Variants in TRMO observed in about 807,000 individuals in gnomAD.
TRMO encodes the protein tRNA (adenine(37)-N6)-methyltransferase.
Under a neutral mutation model 37.2 loss-of-function variants are expected in TRMO, and 30 were observed. The ratio of observed to expected loss-of-function variants is 0.81; its 90% CI spans 0.60 to 1.09. The LOEUF (loss-of-function observed/expected upper bound fraction) is 1.09. Ranked by LOEUF, TRMO falls within the 50% of genes least tolerant of loss-of-function variation. TRMO has a pLI of 0.00. For synonymous variants in TRMO, 239 were observed against 199.4 expected (o/e 1.20, Z -1.67); for missense variants, 552 against 549.5 (o/e 1.00, Z -0.05).
intron 4 of TRMO, among the ~76,000 whole-genome samples, chr9:97,908,207 T>C (rs995653595): frequency 6.6e-6 from 1 of 152,072 alleles, no homozygotes; most frequent in East Asian, 1.9e-4. Flanking sequence ...GGTCAGGAGA[T>C]CGAGACCATC....
chr9:97,906,222 T>C (rs923222223), intron 4 of TRMO, among the ~76,000 whole-genome samples: 1 of 151,220 alleles, frequency 6.6e-6, no homozygotes, highest in Admixed American at 6.6e-5. Flanking sequence ...TCATAGAAAA[T>C]GGCTCTGAAG....
At chr9:97,916,705 C>CTTTTTTTTTT (rs555924368) in intron 1 of TRMO, among the ~76,000 whole-genome samples, 1 of 124,620 alleles carries the variant, frequency 8.0e-6, no homozygotes, top group Admixed American at 8.8e-5. Flanking sequence ...GTATTTCTTT[C>CTTTTTTTTTT]TTTTTTTTTT....
At position 97,904,640 on chromosome 9, in the gene TRMO, G is replaced by T; in HGVS notation, c.*93C>A. 1 of 1,547,906 alleles carries T rather than the reference G, an allele frequency of 6.5e-7. No homozygotes were observed. Among genetic ancestry groups the T allele is most frequent in the Non-Finnish European group, 8.7e-7 (1 of 1,150,200 alleles). ...AATCAAAGCCATGAGATCACAAAGT[G>T]TTGCTTCTCGACACAACATTAGCTT... is the stretch of plus-strand genomic sequence containing the variant. On this transcript the variant is annotated 3_prime_UTR_variant, in exon 5 of 5. Transcript: ENST00000375119.
In TRMO at chr9:97,910,298, G is replaced by A. The variant is rs750103311; in HGVS notation, c.728C>T (p.Ala243Val). 2.5e-6 allele frequency: 4 copies of A among 1,614,214 alleles called. No individual in the cohort carries two copies. The highest frequency in any genetic ancestry group is 3.4e-6 in the Non-Finnish European group (4 of 1,180,032). The change falls in exon 4 of 5, where the codon GCA becomes GTA. Residue 243 changes from alanine (A) to valine (V), a missense_variant. Coordinates refer to ENST00000375119, the MANE Select transcript of TRMO (RefSeq NM_016481.5). ...THSDTARIQQAFPMHREIAVD... is the reference protein window; with the variant it reads ...THSDTARIQQVFPMHREIAVD... ...TGCTATCTCCCTGTGCATAGGAAAT[G>A]CTTGCTGAATTCTGGCTGTGTCACT...
chr9:97,901,757 T>TAAAAA (rs11375112), downstream of TRMO, among the ~76,000 whole-genome samples: 6 of 144,588 alleles, frequency 4.1e-5, no homozygotes, highest in Admixed American at 6.9e-5. Flanking sequence ...TCTCAAAGGC[T>TAAAAA]AAAAAAAAAA....
Position 97,909,995 on chromosome 9 carries a change from T to A in TRMO, c.1031A>T (p.His344Leu). The A allele has an allele frequency of 6.4e-7, 1 of 1,569,718 alleles. No individual in the cohort carries two copies. Among genetic ancestry groups the A allele is most frequent in the South Asian group, 1.2e-5 (1 of 84,968 alleles). Reference sequence around the variant, plus strand: ...GAGCTGCCCAAGGTCCATCTCGGCATGAGGAGTAAACCGCACTTCTAAAGT... The same window carrying A: ...GAGCTGCCCAAGGTCCATCTCGGCAAGAGGAGTAAACCGCACTTCTAAAGT... ...VATLEVRFTP[H>L]AEMDLGQLSS... is the part of the protein sequence containing the mutation. Residue 344 changes from histidine (H) to leucine (L), a missense_variant, in exon 4 of 5, where the codon CAT (histidine) becomes CTT (leucine). Physicochemically the swap from His to Leu is moderately conservative, Grantham distance 99. Coordinates refer to ENST00000375119, the MANE Select transcript of TRMO (RefSeq NM_016481.5).
intron 1 of TRMO, among the ~76,000 whole-genome samples, chr9:97,921,423 AT>A (rs1205049397): frequency 4.0e-3 from 565 of 140,216 alleles, no homozygotes; most frequent in African/African-American, 9.5e-3. Flanking sequence ...CAAAGTGTTA[AT>A]TTTTTTTTTT....
intron 1 of TRMO, among the ~76,000 whole-genome samples, chr9:97,919,557 G>A (rs890704130): frequency 6.6e-6 from 1 of 152,202 alleles, no homozygotes; most frequent in Non-Finnish European, 1.5e-5. Context: ...TACTACAGTG[G>A]AATTTAATAG....
At chr9:97,902,107 G>A (rs528675077), downstream of TRMO, among the ~76,000 whole-genome samples, 12 of 152,272 alleles carry the variant, frequency 7.9e-5, no homozygotes, top group African/African-American at 2.2e-4. Flanking sequence ...CAGAGCTGTC[G>A]GAGGACAGAG....
chr9:97,917,363 T>C (rs1826417701), intron 1 of TRMO, among the ~76,000 whole-genome samples: 1 of 152,216 alleles, frequency 6.6e-6, no homozygotes, highest in Non-Finnish European at 1.5e-5. Flanking sequence ...CAAGTTAGGC[T>C]TGGTCCAGTA....
At chr9:97,913,362 G>A in intron 3 of TRMO, 39 bp downstream of exon 3, 1 of 1,611,424 alleles carries the variant, frequency 6.2e-7, no homozygotes, top group Non-Finnish European at 8.5e-7. Flanking sequence ...GGCTTTTTTG[G>A]GTGAGGAAAA....
chr9:97,901,749 T>C (rs1831174086), downstream of TRMO, among the ~76,000 whole-genome samples: 1 of 97,824 alleles, frequency 1.0e-5, no homozygotes. Flanking sequence ...TTGCCTGCTC[T>C]CAAAGGCTAA....
At chr9:97,907,524 C>G (rs1253488049) in intron 4 of TRMO, among the ~76,000 whole-genome samples, 1 of 152,088 alleles carries the variant, frequency 6.6e-6, no homozygotes, top group Admixed American at 6.5e-5. Flanking sequence ...GTTGTGTAAG[C>G]CTTTATTTTC....
At chr9:97,900,481 T>C (rs552762465), downstream of TRMO, among the ~76,000 whole-genome samples, 4 of 152,342 alleles carry the variant, frequency 2.6e-5, no homozygotes, top group East Asian at 1.9e-4. Context: ...TCACGAGTGG[T>C]TGGATTTCCA....
chr9:97,907,268 T>TGA (rs562127718), intron 4 of TRMO, among the ~76,000 whole-genome samples: 316 of 152,292 alleles, frequency 2.1e-3, no homozygotes, highest in Non-Finnish European at 3.6e-3. Flanking sequence ...GGCAGGTGGC[T>TGA]GCCTCCACCC....
intron 2 of TRMO, chr9:97,913,979 C>A (rs1330660920): frequency 2.6e-5 from 4 of 155,028 alleles, no homozygotes. Flanking sequence ...TGTTAAATAC[C>A]TTTACCAGAC....
chr9:97,904,824 T>C lies in TRMO; in HGVS notation c.1235A>G (p.Asp412Gly). ...GATCCTCAGCACCTCTGCAAAGCCA[T>C]CACCAAACCAGCAAGTGACATGCGC... ...DIAHVTCWFG[D>G]GFAEVLRIKP... is the part of the protein sequence containing the mutation. The change falls in exon 5 of 5, where the codon GAT becomes GGT. Residue 412 changes from aspartate to glycine, a missense_variant. Coordinates refer to ENST00000375119, the MANE Select transcript of TRMO (RefSeq NM_016481.5). 1 of 1,614,122 alleles carries C rather than the reference T, an allele frequency of 6.2e-7. No individual in the cohort carries two copies. The highest frequency in any genetic ancestry group is 2.2e-5 in the East Asian group (1 of 44,884).
At chr9:97,902,516 G>C (rs1011701240), downstream of TRMO, among the ~76,000 whole-genome samples, 3 of 152,170 alleles carry the variant, frequency 2.0e-5, no homozygotes, top group African/African-American at 7.2e-5. Context: ...TGGCCAGGCT[G>C]ATCACGAACT....
Position 97,913,397 on chromosome 9 carries a change from T to A in TRMO, c.409+4A>T, listed in dbSNP as rs747835480. 1 of 1,613,764 alleles carries A rather than the reference T, an allele frequency of 6.2e-7. No individual in the cohort carries two copies. The highest frequency in any genetic ancestry group is 8.5e-7 in the Non-Finnish European group (1 of 1,179,896). ...AAGGTAAAAGTAGAAATGAAATGGG[T>A]TACCTTCTACCTTTTCCAGCTTGGC... On this transcript the variant is annotated splice_donor_region_variant and intron_variant, in intron 3 of 4. Transcript: ENST00000375119.
Sources: gnomAD v4.1 joint callset for allele counts (sites outside exome capture counted in the v4.1 genomes callset) on GRCh38, gnomAD v4.1.1 for gene constraint, MANE v1.5 for transcripts, NCBI Gene and HGNC (gene_info 2026-07-23, HGNC 2026-07-21) for gene names.